The following PPM1L variants were observed in gnomAD, a reference collection of about 807,000 sequenced individuals.
PPM1L encodes the protein protein phosphatase 1L.
A neutral mutation model predicts 31.4 loss-of-function variants in PPM1L; 13 were observed. That is an observed-to-expected ratio of 0.41 (90% CI 0.27 to 0.66). The LOEUF (loss-of-function observed/expected upper bound fraction) is 0.66. PPM1L is among the 30% of genes least tolerant of loss of function. The pLI, the probability that PPM1L is intolerant of heterozygous loss-of-function variation, is 0.29. For missense variants in PPM1L, 326 were observed against 453.7 expected (o/e 0.72, Z 2.56); for synonymous variants, 184 against 175.4 (o/e 1.05, Z -0.39).
chr3:161,069,310 C>A lies in PPM1L; in HGVS notation c.*153C>A. Reference sequence around the variant, plus strand: ...GTGGTCTTAGGTCTATAATCAGTGACGAACAGAGGGTGCCCTTGGCCAATG... The same window carrying A: ...GTGGTCTTAGGTCTATAATCAGTGAAGAACAGAGGGTGCCCTTGGCCAATG... On this transcript the variant is annotated 3_prime_UTR_variant, in exon 4 of 4. Transcript: ENST00000498165. The A allele has an allele frequency of 3.1e-6, 2 of 644,336 alleles. No individual in the cohort carries two copies. Among genetic ancestry groups the A allele is most frequent in the Admixed American group, 3.1e-5 (1 of 32,518 alleles). The allele number at this position is 644,336 out of a possible 1,614,324, so 39.9% of individuals were successfully genotyped here. A position where few individuals can be genotyped will look rare whatever the true frequency, so the allele number is the denominator to read the frequency against.
At chr3:161,026,017 A>G (rs1285828773) in intron 2 of PPM1L, among the ~76,000 whole-genome samples, 3 of 152,234 alleles carry the variant, frequency 2.0e-5, no homozygotes, top group East Asian at 3.8e-4. Context: ...ACAAACATAA[A>G]AAAATCTTTT....
chr3:161,004,055 G>T (rs1456914144), intron 2 of PPM1L, among the ~76,000 whole-genome samples: 37 of 145,744 alleles, frequency 2.5e-4, no homozygotes, highest in South Asian at 1.1e-3. Flanking sequence ...ATGAAGCGTT[G>T]TTGAATTTTG....
At chr3:160,855,279 A>T (rs894707602) in intron 1 of PPM1L, among the ~76,000 whole-genome samples, 25 of 152,346 alleles carry the variant, frequency 1.6e-4, no homozygotes, top group Admixed American at 2.6e-4. Flanking sequence ...ACCCTTGAAG[A>T]AAACCTAGGA....
At chr3:161,018,196 A>G (rs951532342) in intron 2 of PPM1L, among the ~76,000 whole-genome samples, 3 of 152,204 alleles carry the variant, frequency 2.0e-5, no homozygotes, top group African/African-American at 7.2e-5. Context: ...CTCCTTAGGA[A>G]GGCCATCTTT....
At chr3:160,819,405 C>G (rs1434709081) in intron 1 of PPM1L, among the ~76,000 whole-genome samples, 2 of 151,912 alleles carry the variant, frequency 1.3e-5, no homozygotes, top group Non-Finnish European at 2.9e-5. Flanking sequence ...GTATTTTCGC[C>G]TTTCCAAAAC....
Position 160,756,240 on chromosome 3 carries a change from G to A in PPM1L, c.-69G>A, listed in dbSNP as rs575481725. ...TCCCTCCCGGCGGGCTGTCCCCGCA[G>A]TGCTCCCGGACCCGGCGAGCCTTCG... On this transcript the variant is annotated 5_prime_UTR_variant, in exon 1 of 4. The change creates a new upstream start codon in the 5' untranslated region. Transcript: ENST00000498165. This position sits in a 1 kb window ranked among gnomAD's most constrained non-coding sequence, Gnocchi z 6.2. The A allele has an allele frequency of 1.3e-6, 2 of 1,538,364 alleles. No individual in the cohort carries two copies. Among genetic ancestry groups the A allele is most frequent in the East Asian group, 2.3e-5 (1 of 44,266 alleles).
At chr3:160,877,737 G>T (rs1281202261) in intron 1 of PPM1L, among the ~76,000 whole-genome samples, 1 of 152,138 alleles carries the variant, frequency 6.6e-6, no homozygotes, top group African/African-American at 2.4e-5. Context: ...TGTACGTAGG[G>T]TCCAAAGATT....
At chr3:160,984,972 A>G (rs904874945) in intron 2 of PPM1L, among the ~76,000 whole-genome samples, 4 of 152,166 alleles carry the variant, frequency 2.6e-5, no homozygotes, top group East Asian at 1.9e-4. Flanking sequence ...TAAGCATTCT[A>G]TAATGCACAG....
chr3:160,786,187 G>GTGTGTGTATATA (rs1302285733), intron 1 of PPM1L, among the ~76,000 whole-genome samples: 2 of 39,444 alleles, frequency 5.1e-5, no homozygotes, highest in East Asian at 1.3e-3. Context: ...GTGTGTGTGT[G>GTGTGTGTATATA]TATATATATA....
At chr3:160,970,789 T>TC (rs71147398) in intron 2 of PPM1L, among the ~76,000 whole-genome samples, 8,152 of 112,478 alleles carry the variant, frequency 0.072, 1,201 homozygotes, top group African/African-American at 0.14. Flanking sequence ...CAGTTATAAT[T>TC]TTTTTTTTTT....
intron 1 of PPM1L, among the ~76,000 whole-genome samples, chr3:160,897,674 T>A (rs1713388746): frequency 6.6e-6 from 1 of 152,212 alleles, no homozygotes; most frequent in Non-Finnish European, 1.5e-5. Context: ...CAAAGATACC[T>A]CTCCCTTCTA....
intron 1 of PPM1L, among the ~76,000 whole-genome samples, chr3:160,888,920 G>T (rs1388338192): frequency 6.6e-6 from 1 of 152,018 alleles, no homozygotes; most frequent in African/African-American, 2.4e-5. Context: ...TCTAAATGAA[G>T]AAGAAATAAA....
chr3:160,996,495 G>A (rs891792569), intron 2 of PPM1L, among the ~76,000 whole-genome samples: 42 of 152,228 alleles, frequency 2.8e-4, no homozygotes, highest in African/African-American at 8.2e-4. Flanking sequence ...ACAGCAACCT[G>A]GATGGAATTG....
intron 1 of PPM1L, among the ~76,000 whole-genome samples, chr3:160,802,669 A>G (rs1027595417): frequency 2.0e-5 from 3 of 152,190 alleles, no homozygotes; most frequent in African/African-American, 7.2e-5. Flanking sequence ...AATTTTAAAT[A>G]TGCCTAATAA....
intron 1 of PPM1L, among the ~76,000 whole-genome samples, chr3:160,954,924 T>TTTCCTTCCTTCCTTCCTTCCTTCC (rs796768427): frequency 8.1e-5 from 7 of 86,024 alleles, no homozygotes; most frequent in Non-Finnish European, 1.5e-4. Context: ...TCCTTCCTTC[T>TTTCCTTCCTTCCTTCCTTCCTTCC]TTCCTTCCTT....
At chr3:160,900,723 T>C (rs957472686) in intron 1 of PPM1L, among the ~76,000 whole-genome samples, 1 of 152,176 alleles carries the variant, frequency 6.6e-6, no homozygotes, top group Non-Finnish European at 1.5e-5. Flanking sequence ...CTGAGTTCAT[T>C]GTTCACTACC....
At chr3:160,969,678 T>C (rs1716260736) in intron 2 of PPM1L, among the ~76,000 whole-genome samples, 2 of 152,204 alleles carry the variant, frequency 1.3e-5, no homozygotes, top group Admixed American at 1.3e-4. Context: ...CCCCATTTCT[T>C]AGCTCAAAAG....
chr3:160,802,759 C>A (rs183767601), intron 1 of PPM1L, among the ~76,000 whole-genome samples: 19 of 152,318 alleles, frequency 1.2e-4, no homozygotes, highest in African/African-American at 4.6e-4. Flanking sequence ...TTAAATTTCA[C>A]TTTTATCTTG....
At chr3:160,927,765 C>T (rs993815533) in intron 1 of PPM1L, among the ~76,000 whole-genome samples, 22 of 152,110 alleles carry the variant, frequency 1.4e-4, no homozygotes, top group Non-Finnish European at 2.2e-4. Flanking sequence ...TAAGCAGTGA[C>T]TATATGAATT....
Sources: allele counts gnomAD v4.1 joint callset (sites outside exome capture counted in the v4.1 genomes callset), GRCh38; gene constraint gnomAD v4.1.1; non-coding constraint Gnocchi (gnomAD v3.1); transcripts MANE v1.5; gene names NCBI Gene and HGNC (gene_info 2026-07-23, HGNC 2026-07-21).